The following FYB2 variants were observed in gnomAD, a reference collection of about 807,000 sequenced individuals.
FYB2 encodes FYN binding protein 2, also known as FYN-binding protein 2.
A neutral mutation model predicts 94.1 loss-of-function variants in FYB2; 103 were observed. That is an observed-to-expected ratio of 1.09 (90% CI 0.93 to 1.29). FYB2 has a LOEUF of 1.29. Among genes scored for constraint, FYB2 ranks in the 50% most tolerant of loss-of-function variants. FYB2 has a pLI of 0.00. For missense variants in FYB2, 896 were observed against 841.5 expected, an observed-to-expected ratio of 1.06 and a Z score of -0.80; for synonymous variants, 293 against 287.9, an observed-to-expected ratio of 1.02 and a Z score of -0.18.
intron 1 of FYB2, among the ~76,000 whole-genome samples, chr1:56,815,660 A>G (rs1230567982): frequency 6.6e-6 from 1 of 152,176 alleles, no homozygotes; most frequent in Admixed American, 6.5e-5. Flanking sequence ...TTCCCTGTAA[A>G]ATGGGAGTTT....
At chr1:56,790,527 C>T (rs929531785) in intron 2 of FYB2, among the ~76,000 whole-genome samples, 3 of 152,210 alleles carry the variant, frequency 2.0e-5, no homozygotes, top group African/African-American at 7.2e-5. Flanking sequence ...TTTCTCTCAT[C>T]CATCTTTCTT....
intron 2 of FYB2, among the ~76,000 whole-genome samples, chr1:56,789,496 G>C (rs4912415): frequency 0.31 from 47,572 of 152,052 alleles, 8,136 homozygotes; most frequent in Middle Eastern, 0.39. Flanking sequence ...GCCTTAAAAA[G>C]CTCTCATATA....
intron 11 of FYB2, among the ~76,000 whole-genome samples, chr1:56,742,729 A>C (rs1033559159): frequency 4.3e-4 from 66 of 152,072 alleles, no homozygotes; most frequent in African/African-American, 1.6e-3. Context: ...TTTGAATATC[A>C]GGGTCAGGAT....
rs769640017 is a variant in FYB2 at position 56,792,023 on chromosome 1, T to C, written c.757+33A>G. 6 of 1,533,574 alleles carry C rather than the reference T, an allele frequency of 3.9e-6. No homozygotes were observed. In the East Asian group the frequency reaches 9.0e-5, roughly 23 times the overall value. The allele number at this position is 1,533,574 out of a possible 1,614,324, so 95.0% of individuals were successfully genotyped here. ...GTAGAAAAACATGATGACACCTCCC[T>C]AGCCCCTGTCCCATGGGGATCACGT... On this transcript the variant is annotated intron_variant, in intron 2 of 19. Coordinates refer to ENST00000343433, the MANE Select transcript of FYB2 (RefSeq NM_001004303.5).
chr1:56,767,239 T>G (rs1489526547), intron 5 of FYB2, among the ~76,000 whole-genome samples: 1 of 152,186 alleles, frequency 6.6e-6, no homozygotes, highest in African/African-American at 2.4e-5. Flanking sequence ...CTTGTAGAAA[T>G]GCAATAATCT....
At chr1:56,807,054 A>G (rs1047915612) in intron 1 of FYB2, among the ~76,000 whole-genome samples, 1 of 152,182 alleles carries the variant, frequency 6.6e-6, no homozygotes, top group Non-Finnish European at 1.5e-5. Context: ...GGCCTAGAAC[A>G]GGAGGCTTCA....
At chr1:56,793,913 T>G (rs78379123) in intron 1 of FYB2, among the ~76,000 whole-genome samples, 171 of 152,276 alleles carry the variant, frequency 1.1e-3, no homozygotes, top group Non-Finnish European at 2.0e-3. Context: ...ACATGAAGAC[T>G]CCACTCTTTA....
At chr1:56,801,301 C>T (rs1646513590) in intron 1 of FYB2, among the ~76,000 whole-genome samples, 1 of 152,170 alleles carries the variant, frequency 6.6e-6, no homozygotes. Context: ...CTGCTGCTTT[C>T]AAATTATTTT....
intron 1 of FYB2, among the ~76,000 whole-genome samples, chr1:56,798,663 T>C (rs1183459156): frequency 6.6e-6 from 1 of 152,110 alleles, no homozygotes; most frequent in South Asian, 2.1e-4. Context: ...ATAATAATAA[T>C]AACAAAAATG....
At chr1:56,763,279 TA>T (rs963212729) in intron 5 of FYB2, among the ~76,000 whole-genome samples, 1 of 152,180 alleles carries the variant, frequency 6.6e-6, no homozygotes, top group African/African-American at 2.4e-5. Flanking sequence ...ATACTAGCTT[TA>T]AAAAAATGTG....
At chr1:56,799,310 A>T (rs548800808) in intron 1 of FYB2, among the ~76,000 whole-genome samples, 69 of 152,322 alleles carry the variant, frequency 4.5e-4, no homozygotes, top group African/African-American at 1.6e-3. Flanking sequence ...TCAATTTAAA[A>T]TTCTTCTATT....
intron 15 of FYB2, among the ~76,000 whole-genome samples, chr1:56,734,681 G>A (rs1025423653): frequency 2.0e-5 from 3 of 151,974 alleles, no homozygotes; most frequent in Non-Finnish European, 4.4e-5. Context: ...GGGGCTGGGG[G>A]AGGGATAGCA....
intron 5 of FYB2, among the ~76,000 whole-genome samples, chr1:56,763,349 G>A (rs1339676824): frequency 6.6e-6 from 1 of 152,126 alleles, no homozygotes; most frequent in Non-Finnish European, 1.5e-5. Context: ...ATCTTTAAAT[G>A]CCTGATAGAA....
chr1:56,766,431 CTTTTT>C (rs1026883564), intron 5 of FYB2, among the ~76,000 whole-genome samples: 1 of 151,010 alleles, frequency 6.6e-6, no homozygotes, highest in African/African-American at 2.4e-5. Flanking sequence ...CCCCTTATTT[CTTTTT>C]TTTTCTTTTT....
intron 9 of FYB2, among the ~76,000 whole-genome samples, chr1:56,747,352 C>A (rs1569965504): frequency 6.6e-6 from 1 of 151,748 alleles, no homozygotes; most frequent in Admixed American, 6.6e-5. Flanking sequence ...AACTCGTCAT[C>A]TAGGTTTTAA....
chr1:56,825,402 G>T, the FYB2 span, among the ~76,000 whole-genome samples: 1 of 152,134 alleles, frequency 6.6e-6, no homozygotes, highest in Non-Finnish European at 1.5e-5. Flanking sequence ...CTGCTCACCT[G>T]CTCCCTTCCT....
intron 17 of FYB2, 81 bp from the exon 18 acceptor site, chr1:56,720,410 G>A: frequency 1.6e-6 from 2 of 1,282,860 alleles, no homozygotes; most frequent in Admixed American, 2.7e-5. Flanking sequence ...ATATAATATA[G>A]TAACTTCAAA....
chr1:56,808,151 A>T (rs1200560339), intron 1 of FYB2, among the ~76,000 whole-genome samples: 1 of 152,118 alleles, frequency 6.6e-6, no homozygotes, highest in African/African-American at 2.4e-5. Context: ...TTACTCTGCC[A>T]CTATACAGCA....
rs13376364 is a variant in FYB2, at chr1:56,751,213, T to C, written c.1228-10A>G. 6,453 of 1,611,700 alleles carry C rather than the reference T, an allele frequency of 4.0e-3. 228 individuals are homozygous for C. The African/African-American group carries it at 0.078, about 20-fold the overall frequency. ...CTTCACAGGCATCTACCTAAACATA[T>C]GCAAAAGGGAGAATACTGTAGGGCT... On this transcript the variant is annotated splice_polypyrimidine_tract_variant and intron_variant, in intron 8 of 19. Transcript: ENST00000343433.
Sources: allele counts gnomAD v4.1 joint callset (sites outside exome capture counted in the v4.1 genomes callset), GRCh38; gene constraint gnomAD v4.1.1; transcripts MANE v1.5; gene names NCBI Gene and HGNC (gene_info 2026-07-23, HGNC 2026-07-21).